RSF1: variants seen among roughly 807,000 people sequenced by gnomAD.
The protein encoded by RSF1 is HBV pX-associated protein 8.
A neutral mutation model predicts 145.2 loss-of-function variants in RSF1; 13 were observed. The ratio of observed to expected loss-of-function variants is 0.09; its 90% CI spans 0.06 to 0.14. The LOEUF is 0.14. RSF1 is among the 10% of genes least tolerant of loss of function. The probability of loss-of-function intolerance (pLI) is 1.00; values close to 1 mark genes in which losing one functional copy is unlikely to be tolerated. For missense variants in RSF1, 1,517 were observed against 1,718.2 expected, an observed-to-expected ratio of 0.88 and a Z score of 2.07; for synonymous variants, 577 against 592.6, an observed-to-expected ratio of 0.97 and a Z score of 0.38.
Position 77,702,039 on chromosome 11 carries a change from C to T in RSF1, c.1190G>A (p.Ser397Asn). The change falls in exon 6 of 16, where the codon AGT (serine) becomes AAT (asparagine). Residue 397 changes from serine (S) to asparagine (N), a missense_variant. Physicochemically the swap from Ser to Asn is conservative, Grantham distance 46. Around this residue, in one of 12 missense-constraint regions of RSF1, gnomAD observed 579 missense variants for 553.5 expected, o/e 1.05. Coordinates refer to ENST00000308488, the MANE Select transcript of RSF1 (RefSeq NM_016578.4). ...REIKLSDDFD[S>N]PVKGPLCKSV... ...TTTACACAAAGGTCCCTTGACTGGA[C>T]TGTCAAAATCATCACTCAGTTTAAT... is the stretch of plus-strand genomic sequence containing the variant. 1.2e-6 allele frequency: 2 copies of T among 1,613,458 alleles called. No homozygotes were observed. Among genetic ancestry groups the T allele is most frequent in the Non-Finnish European group, 1.7e-6 (2 of 1,179,836 alleles).
chr11:77,788,560 T>TA (rs1274828849), intron 1 of RSF1, among the ~76,000 whole-genome samples: 1 of 143,560 alleles, frequency 7.0e-6, no homozygotes, highest in Non-Finnish European at 1.5e-5. Flanking sequence ...AACAAAATGA[T>TA]ACAGAGGAAA....
intron 1 of RSF1, among the ~76,000 whole-genome samples, chr11:77,804,305 G>A (rs1020284892): frequency 1.3e-5 from 2 of 152,048 alleles, no homozygotes; most frequent in Non-Finnish European, 2.9e-5. Context: ...GAGTCATTCC[G>A]GTGAATTACA....
At chr11:77,852,224 C>CAAAAAAAAA in the RSF1 span, among the ~76,000 whole-genome samples, 28 of 33,244 alleles carry the variant, frequency 8.4e-4, no homozygotes, top group East Asian at 1.9e-3. Context: ...GACACTGTCT[C>CAAAAAAAAA]AAAAAAAAAA....
intron 4 of RSF1, chr11:77,735,159 G>C (rs1219903812): frequency 8.6e-6 from 6 of 701,512 alleles, no homozygotes; most frequent in Non-Finnish European, 1.6e-5. Flanking sequence ...CGGCTGGGGT[G>C]GGGGACGAGC....
chr11:77,729,565 A>G (rs1264404263), intron 4 of RSF1, among the ~76,000 whole-genome samples: 1 of 151,750 alleles, frequency 6.6e-6, no homozygotes, highest in Non-Finnish European at 1.5e-5. Flanking sequence ...TAACAAAAAT[A>G]AACAGACGCC....
chr11:77,687,362 A>G (rs1960036997), intron 9 of RSF1, among the ~76,000 whole-genome samples: 1 of 152,162 alleles, frequency 6.6e-6, no homozygotes, highest in African/African-American at 2.4e-5. Flanking sequence ...TGTATGATAT[A>G]AAGTCATAAT....
intron 1 of RSF1, among the ~76,000 whole-genome samples, chr11:77,789,767 G>T (rs953696436): frequency 6.6e-6 from 1 of 152,162 alleles, no homozygotes; most frequent in Non-Finnish European, 1.5e-5. Flanking sequence ...GGAGCCTGAG[G>T]ATAAGCCCTT....
intron 14 of RSF1, among the ~76,000 whole-genome samples, chr11:77,673,017 C>T (rs1325966023): frequency 1.3e-5 from 2 of 152,168 alleles, no homozygotes; most frequent in Non-Finnish European, 2.9e-5. Context: ...ATAGTCCTTA[C>T]TGCAGTCGAC....
At chr11:77,750,839 T>C (rs191309737) in intron 2 of RSF1, among the ~76,000 whole-genome samples, 63 of 152,348 alleles carry the variant, frequency 4.1e-4, no homozygotes, top group East Asian at 2.5e-3. Context: ...TCTATAATAC[T>C]TGTTCTTTGT....
intron 5 of RSF1, among the ~76,000 whole-genome samples, chr11:77,709,927 C>A (rs1423674961): frequency 6.6e-6 from 1 of 152,036 alleles, no homozygotes; most frequent in Non-Finnish European, 1.5e-5. Flanking sequence ...AGTGACAATT[C>A]TTTTATAACT....
intron 2 of RSF1, among the ~76,000 whole-genome samples, chr11:77,757,149 T>C (rs1356861152): frequency 6.6e-6 from 1 of 152,180 alleles, no homozygotes; most frequent in Non-Finnish European, 1.5e-5. Flanking sequence ...AAAAAAACTA[T>C]GTTTTTTAAA....
the RSF1 span, among the ~76,000 whole-genome samples, chr11:77,833,481 G>C: frequency 6.6e-6 from 1 of 152,098 alleles, no homozygotes; most frequent in Non-Finnish European, 1.5e-5. Flanking sequence ...TGTGTCAGGA[G>C]GTAGAGCTCG....
At chr11:77,674,977 C>G in intron 14 of RSF1, 59 bp downstream of exon 14, 2 of 1,398,514 alleles carry the variant, frequency 1.4e-6, no homozygotes, top group South Asian at 2.8e-5. Flanking sequence ...CCAGCATGAG[C>G]AACAAGAAAA....
Position 77,701,395 on chromosome 11 carries a change from T to C in RSF1, c.1834A>G (p.Lys612Glu), listed in dbSNP as rs1960418540. 1 of 1,614,036 alleles carries C rather than the reference T, an allele frequency of 6.2e-7. No homozygotes were observed. The highest frequency in any genetic ancestry group is 1.3e-5 in the African/African-American group (1 of 75,018). Residue 612 changes from lysine to glutamate, a missense_variant, in exon 6 of 16, where the codon AAG becomes GAG. Physicochemically the swap from Lys to Glu is moderately conservative, Grantham distance 56 (BLOSUM62 1). Transcript: ENST00000308488. ...RLSPIPEEVPKSTLESEKPGS... is the reference protein window; with the variant it reads ...RLSPIPEEVPESTLESEKPGS... ...GGCTTTTCTGACTCTAGAGTACTCT[T>C]TGGAACTTCTTCTGGTATTGGACTC...
intron 3 of RSF1, among the ~76,000 whole-genome samples, chr11:77,742,481 T>C (rs573980006): frequency 2.0e-5 from 3 of 152,202 alleles, no homozygotes; most frequent in Non-Finnish European, 2.9e-5. Flanking sequence ...GGTTTCATCA[T>C]GTTGGTCAGG....
At chr11:77,843,149 T>C in the RSF1 span, among the ~76,000 whole-genome samples, 6 of 152,184 alleles carry the variant, frequency 3.9e-5, no homozygotes, top group Admixed American at 3.9e-4. Flanking sequence ...TATAGGAAGG[T>C]TCCAGTTTTT....
chr11:77,759,832 G>A (rs1347696878), intron 2 of RSF1, among the ~76,000 whole-genome samples: 1 of 140,424 alleles, frequency 7.1e-6, no homozygotes, highest in Admixed American at 7.4e-5. Context: ...AGGTTGTGGT[G>A]AGAATTAAAT....
the RSF1 span, among the ~76,000 whole-genome samples, chr11:77,830,791 A>G: frequency 6.6e-6 from 1 of 152,090 alleles, no homozygotes; most frequent in Non-Finnish European, 1.5e-5. Context: ...CAAGCAAATG[A>G]AAAGATACTC....
At chr11:77,684,966 A>G (rs1389074788) in intron 10 of RSF1, 139 bp downstream of exon 10, 1 of 412,898 alleles carries the variant, frequency 2.4e-6, no homozygotes, top group East Asian at 4.3e-5. Context: ...CAGTCTGGGC[A>G]ACAAGAACGA....
Sources: allele counts gnomAD v4.1 joint callset (sites outside exome capture counted in the v4.1 genomes callset), GRCh38; gene constraint gnomAD v4.1.1; regional missense constraint gnomAD v4.1.1; transcripts MANE v1.5; gene names NCBI Gene and HGNC (gene_info 2026-07-23, HGNC 2026-07-21).